The following C6orf163 variants were observed in gnomAD, a reference collection of about 807,000 sequenced individuals.
C6orf163 encodes the protein uncharacterized protein C6orf163.
In C6orf163, 22 loss-of-function variants were observed where a neutral mutation model predicts 28.4. The observed-to-expected ratio is 0.78, with a 90% CI of 0.55 to 1.11. The LOEUF (loss-of-function observed/expected upper bound fraction) is 1.11. Among genes scored for constraint, C6orf163 ranks in the 50% least tolerant of loss-of-function variants. The pLI, the probability that C6orf163 is intolerant of heterozygous loss-of-function variation, is 0.00. For missense variants in C6orf163, 342 were observed against 389.1 expected (o/e 0.88, Z 1.02); for synonymous variants, 110 against 123.6 (o/e 0.89, Z 0.73).
At chr6:87,355,217 A>G (rs1357084708) in intron 3 of C6orf163, among the ~76,000 whole-genome samples, 1 of 152,222 alleles carries the variant, frequency 6.6e-6, no homozygotes, top group East Asian at 1.9e-4. Context: ...GCTATATGAA[A>G]TAACTTAATT....
chr6:87,347,142 G>A (rs1730557270), intron 1 of C6orf163, among the ~76,000 whole-genome samples: 1 of 152,062 alleles, frequency 6.6e-6, no homozygotes, highest in African/African-American at 2.4e-5. Context: ...CCCCAAACTT[G>A]AACCCCTGAC....
chr6:87,351,127 AC>A (rs1378866039), intron 3 of C6orf163, among the ~76,000 whole-genome samples: 3 of 152,238 alleles, frequency 2.0e-5, no homozygotes, highest in African/African-American at 4.8e-5. Context: ...TAGGTAACTT[AC>A]AAACTTTCAG....
At chr6:87,359,550 C>T (rs7745870) in intron 4 of C6orf163, among the ~76,000 whole-genome samples, 16,835 of 152,208 alleles carry the variant, frequency 0.11, 978 homozygotes, top group East Asian at 0.13. Flanking sequence ...TGAAATAGTA[C>T]TAACAGTCCT....
At chr6:87,361,678 A>G (rs1269734575) in intron 4 of C6orf163, among the ~76,000 whole-genome samples, 1 of 152,166 alleles carries the variant, frequency 6.6e-6, no homozygotes, top group Non-Finnish European at 1.5e-5. Context: ...GTCGATGCAC[A>G]CTGCCCACTC....
intron 2 of C6orf163, 110 bp downstream of exon 2, chr6:87,349,016 C>A: frequency 2.9e-6 from 4 of 1,377,540 alleles, no homozygotes; most frequent in African/African-American, 1.5e-5. Context: ...TGAATCCTGG[C>A]TAGCTGTGGG....
At position 87,344,836 on chromosome 6, in the gene C6orf163, T is replaced by C; in HGVS notation, c.-264T>C. On this transcript the variant is annotated 5_prime_UTR_variant, in exon 1 of 5. Transcript: ENST00000388923. The stretch of plus-strand genomic sequence containing the variant: ...GTAAGTTAACAACTTAATGCTAGAG[T>C]CTGGGAAGGAGCAACTACTTAAATC... The C allele has an allele frequency of 3.6e-6, 1 of 276,530 alleles. No individual in the cohort carries two copies. The highest frequency in any genetic ancestry group is 6.6e-5 in the East Asian group (1 of 15,124). The allele number at this position is 276,530 out of a possible 1,614,324, so 17.1% of individuals were successfully genotyped here.
chr6:87,364,477 C>G (rs559113407), intron 4 of C6orf163, among the ~76,000 whole-genome samples: 2 of 151,950 alleles, frequency 1.3e-5, no homozygotes, highest in Non-Finnish European at 2.9e-5. Context: ...AAAGAGCTCC[C>G]GAGACCAAAA....
intron 4 of C6orf163, among the ~76,000 whole-genome samples, chr6:87,361,658 T>C (rs1259500239): frequency 1.3e-5 from 2 of 152,164 alleles, no homozygotes; most frequent in Non-Finnish European, 1.5e-5. Context: ...ACTAAATCCT[T>C]AGAATGTGTG....
intron 4 of C6orf163, 145 bp from the exon 5 acceptor site, chr6:87,364,816 G>A (rs1463932924): frequency 6.3e-6 from 4 of 636,374 alleles, no homozygotes; most frequent in Non-Finnish European, 1.1e-5. Flanking sequence ...AACAGCTAAT[G>A]CAATCCAAAA....
intron 4 of C6orf163, among the ~76,000 whole-genome samples, chr6:87,361,018 G>A (rs1053838169): frequency 6.6e-6 from 1 of 152,182 alleles, no homozygotes; most frequent in Non-Finnish European, 1.5e-5. Context: ...GAAAAGTGGG[G>A]CTAGGCGCAG....
intron 3 of C6orf163, among the ~76,000 whole-genome samples, chr6:87,354,752 GT>G (rs1390164779): frequency 2.6e-5 from 4 of 152,188 alleles, no homozygotes; most frequent in Admixed American, 6.5e-5. Context: ...AAAGTGAGAA[GT>G]TGAGAACTTT....
intron 3 of C6orf163, among the ~76,000 whole-genome samples, chr6:87,351,013 G>A (rs564126372): frequency 6.6e-6 from 1 of 152,108 alleles, no homozygotes; most frequent in Non-Finnish European, 1.5e-5. Context: ...TGCATTTACT[G>A]TACTGCTAAG....
chr6:87,348,927 A>G (rs1482383107), intron 2 of C6orf163, 21 bp downstream of exon 2: 2 of 1,536,118 alleles, frequency 1.3e-6, no homozygotes, highest in East Asian at 2.4e-5. Flanking sequence ...TTACATGTCA[A>G]CCTAAAGTCC....
At chr6:87,354,099 T>G (rs1777461032) in intron 3 of C6orf163, among the ~76,000 whole-genome samples, 1 of 152,174 alleles carries the variant, frequency 6.6e-6, no homozygotes, top group Admixed American at 6.5e-5. Flanking sequence ...CCTCCAATCG[T>G]CTGCCCTCCT....
intron 3 of C6orf163, among the ~76,000 whole-genome samples, chr6:87,350,967 T>C (rs1777403493): frequency 6.6e-6 from 1 of 152,222 alleles, no homozygotes; most frequent in Non-Finnish European, 1.5e-5. Context: ...CAGGCTGTTC[T>C]CCTCCTTCTC....
At chr6:87,348,452 G>A (rs1777360251) in intron 1 of C6orf163, 5 of 1,002,240 alleles carry the variant, frequency 5.0e-6, no homozygotes, top group Non-Finnish European at 3.6e-6. Context: ...ATAGGAACAG[G>A]GAGAGAGAGA....
intron 1 of C6orf163, chr6:87,347,292 AG>A: frequency 1.7e-6 from 1 of 574,548 alleles, no homozygotes; most frequent in Non-Finnish European, 2.2e-6. Context: ...GTTTATCAAT[AG>A]TTTGTTCCTT....
chr6:87,360,693 G>A (rs555555002), intron 4 of C6orf163, among the ~76,000 whole-genome samples: 37 of 152,240 alleles, frequency 2.4e-4, no homozygotes, highest in African/African-American at 7.9e-4. Context: ...GAGCCACCAT[G>A]CCCAGCCTCA....
chr6:87,345,312 T>TA (rs1323816767), intron 1 of C6orf163, 65 bp downstream of exon 1: 2 of 1,394,942 alleles, frequency 1.4e-6, no homozygotes, highest in Non-Finnish European at 1.9e-6. Context: ...TTCTTTCTGT[T>TA]ACATAGACTT....
Sources: gnomAD v4.1 joint callset for allele counts (sites outside exome capture counted in the v4.1 genomes callset) on GRCh38, gnomAD v4.1.1 for gene constraint, MANE v1.5 for transcripts, NCBI Gene and HGNC (gene_info 2026-07-23, HGNC 2026-07-21) for gene names.